The following LSAMP variants were observed in gnomAD, a reference collection of about 807,000 sequenced individuals.
LSAMP encodes limbic system associated membrane protein, also known as limbic system-associated membrane protein.
A neutral mutation model predicts 38.6 loss-of-function variants in LSAMP; 7 were observed. The ratio of observed to expected loss-of-function variants is 0.18; its 90% CI spans 0.10 to 0.34. The LOEUF is 0.34. Ranked by LOEUF, LSAMP falls within the 10% of genes least tolerant of loss-of-function variation. LSAMP has a pLI of 1.00. For missense variants in LSAMP, 313 were observed against 420.0 expected (o/e 0.75, Z 2.23); for synonymous variants, 154 against 166.8 (o/e 0.92, Z 0.59).
intron 1 of LSAMP, among the ~76,000 whole-genome samples, chr3:116,354,302 T>A (rs1302545334): frequency 1.3e-5 from 2 of 152,132 alleles, no homozygotes; most frequent in Non-Finnish European, 2.9e-5. Context: ...CTATGCAAAC[T>A]CCACACCTTA....
At chr3:116,118,573 G>A (rs187802153) in intron 1 of LSAMP, among the ~76,000 whole-genome samples, 1 of 152,154 alleles carries the variant, frequency 6.6e-6, no homozygotes, top group Non-Finnish European at 1.5e-5. Flanking sequence ...TTTGCAGGGG[G>A]TGGGTGAGAG....
chr3:115,858,291 C>G (rs1452397275), intron 3 of LSAMP, among the ~76,000 whole-genome samples: 2 of 152,082 alleles, frequency 1.3e-5, no homozygotes, highest in Non-Finnish European at 2.9e-5. Context: ...GGACTAGCCT[C>G]AAAAACTTCC....
intron 1 of LSAMP, among the ~76,000 whole-genome samples, chr3:116,254,103 T>C (rs1172438272): frequency 3.3e-5 from 5 of 152,194 alleles, no homozygotes; most frequent in Admixed American, 6.5e-5. Flanking sequence ...CCTAAATATA[T>C]GTGGAATACT....
At position 116,109,298 on chromosome 3, in the gene LSAMP, A is replaced by G. The variant is rs180983670; in HGVS notation, c.156-22742T>C. On this transcript the variant is annotated intron_variant, in intron 1 of 6. Coordinates refer to ENST00000490035, the MANE Select transcript of LSAMP (RefSeq NM_002338.5). The stretch of plus-strand genomic sequence containing the variant: ...CGGACCAGGTGTGAGGAGGGGAGGC[A>G]ATAAAAAGATTATAGGGTGGAGGAG... Among the ~76,000 whole-genome samples, 558 of 152,236 alleles carry G rather than the reference A, an allele frequency of 3.7e-3. 5 individuals are homozygous for G. Among genetic ancestry groups the G allele is most frequent in the African/African-American group, 0.011 (454 of 41,544 alleles).
intron 6 of LSAMP, among the ~76,000 whole-genome samples, chr3:115,822,036 A>G (rs997880400): frequency 5.3e-5 from 8 of 152,228 alleles, no homozygotes; most frequent in African/African-American, 1.9e-4. Context: ...TCTTTCTCAC[A>G]GATTTCTTCA....
intron 1 of LSAMP, among the ~76,000 whole-genome samples, chr3:116,411,983 C>T (rs1011841817): frequency 3.3e-5 from 5 of 151,988 alleles, no homozygotes; most frequent in African/African-American, 1.2e-4. Context: ...AACAACCACT[C>T]ACCAGATGCT....
intron 6 of LSAMP, among the ~76,000 whole-genome samples, chr3:115,840,780 G>C (rs1934972226): frequency 6.6e-6 from 1 of 151,860 alleles, no homozygotes. Flanking sequence ...TAGCAAGATA[G>C]AAACATTTCT....
rs541323109 is a variant in LSAMP at position 116,417,731 on chromosome 3, G to A, written c.155+27146C>T. Among the ~76,000 whole-genome samples the A allele has an allele frequency of 2.7e-4, 41 of 152,262 alleles. No individual in the cohort carries two copies. The South Asian group carries it at 3.9e-3, about 15-fold the overall frequency. ...GTTTCCTATTCTTTTAATAATAGGA[G>A]TCTTTTTGTTTCACCTGTCAGTCCT... On this transcript the variant is annotated intron_variant, in intron 1 of 6. Coordinates refer to ENST00000490035, the MANE Select transcript of LSAMP (RefSeq NM_002338.5).
chr3:116,144,047 G>A (rs1187115252), intron 1 of LSAMP, among the ~76,000 whole-genome samples: 3 of 152,050 alleles, frequency 2.0e-5, no homozygotes, highest in East Asian at 3.9e-4. Flanking sequence ...TTTAAACTGT[G>A]TTTTTTAGAT....
intron 1 of LSAMP, among the ~76,000 whole-genome samples, chr3:116,210,920 G>A (rs1442307661): frequency 2.6e-5 from 4 of 151,850 alleles, no homozygotes; most frequent in African/African-American, 9.7e-5. Context: ...GCTAAGATAA[G>A]GATTCAACGT....
At chr3:116,185,155 C>T (rs781399137) in intron 1 of LSAMP, among the ~76,000 whole-genome samples, 17 of 150,416 alleles carry the variant, frequency 1.1e-4, no homozygotes, top group East Asian at 3.9e-4. Context: ...ATTTTTTACA[C>T]ATTTACACAT....
intron 3 of LSAMP, among the ~76,000 whole-genome samples, chr3:115,986,395 T>C (rs1559909125): frequency 6.6e-6 from 1 of 152,060 alleles, no homozygotes; most frequent in Non-Finnish European, 1.5e-5. Flanking sequence ...CTAAAACACA[T>C]TTCACCAGTA....
At chr3:116,007,168 C>T (rs1186739099) in intron 3 of LSAMP, among the ~76,000 whole-genome samples, 4 of 152,136 alleles carry the variant, frequency 2.6e-5, no homozygotes, top group African/African-American at 4.8e-5. Context: ...CAGACAAAGC[C>T]GCAATCTTGT....
Position 115,962,645 on chromosome 3 carries a change from A to G in LSAMP, c.514+56870T>C, listed in dbSNP as rs564673831. Among the ~76,000 whole-genome samples the G allele has an allele frequency of 3.3e-5, 5 of 152,344 alleles. No homozygotes were observed. In the South Asian group the frequency reaches 6.2e-4, roughly 19 times the overall value. On this transcript the variant is annotated intron_variant, in intron 3 of 6. Transcript: ENST00000490035. ...CTAAGTGGTAAATTGCTACATATAC[A>G]TAAGCTGTTTATTCACTTTTCAACT...
At chr3:116,373,422 AAAG>A (rs1199879867) in intron 1 of LSAMP, among the ~76,000 whole-genome samples, 2 of 151,728 alleles carry the variant, frequency 1.3e-5, no homozygotes, top group Non-Finnish European at 3.0e-5. Context: ...TAGGAACTGG[AAAG>A]AAGAAGGAAT....
intron 1 of LSAMP, among the ~76,000 whole-genome samples, chr3:116,367,143 G>A (rs775849742): frequency 3.3e-5 from 5 of 152,060 alleles, no homozygotes; most frequent in African/African-American, 4.8e-5. Flanking sequence ...TCATTAGAAG[G>A]GTCATAGGAA....
At chr3:116,413,479 C>T (rs2107843440) in intron 1 of LSAMP, among the ~76,000 whole-genome samples, 2 of 152,092 alleles carry the variant, frequency 1.3e-5, no homozygotes, top group Admixed American at 1.3e-4. Flanking sequence ...AAGGCTCTCC[C>T]CGTATGTTTG....
intron 2 of LSAMP, among the ~76,000 whole-genome samples, chr3:116,065,673 C>A (rs1352104011): frequency 6.6e-6 from 1 of 152,224 alleles, no homozygotes; most frequent in Non-Finnish European, 1.5e-5. Flanking sequence ...TTTGTCTCAG[C>A]AGTTTCTCCA....
At chr3:116,429,717 G>A (rs1157759360) in intron 1 of LSAMP, among the ~76,000 whole-genome samples, 3 of 152,250 alleles carry the variant, frequency 2.0e-5, no homozygotes, top group Non-Finnish European at 4.4e-5. Flanking sequence ...TTCAGAGGGA[G>A]CAAAAATTGC....
Sources: allele counts gnomAD v4.1 joint callset (sites outside exome capture counted in the v4.1 genomes callset), GRCh38; gene constraint gnomAD v4.1.1; transcripts MANE v1.5; gene names NCBI Gene and HGNC (gene_info 2026-07-23, HGNC 2026-07-21).